Variants in MAGT1 observed in about 807,000 individuals in gnomAD.
The protein encoded by MAGT1 is magnesium transporter 1, also known as dolichyl-diphosphooligosaccharide--protein glycosyltransferase subunit MAGT1.
MAGT1 carries 4 observed loss-of-function variants against 28.4 expected under a neutral mutation model. That is an observed-to-expected ratio of 0.14 (90% CI 0.07 to 0.32). The LOEUF (loss-of-function observed/expected upper bound fraction) is 0.32, where lower values mean the gene tolerates loss of function less well. Among genes scored for constraint, MAGT1 ranks in the 10% least tolerant of loss-of-function variants. The probability of loss-of-function intolerance (pLI) is 1.00; values close to 1 mark genes in which losing one functional copy is unlikely to be tolerated. For missense variants in MAGT1, 193 were observed against 264.5 expected, an observed-to-expected ratio of 0.73 and a Z score of 1.88; for synonymous variants, 89 against 89.7, an observed-to-expected ratio of 0.99 and a Z score of 0.04.
chrX:77,852,740 C>CTGAT (rs782366307), intron 7 of MAGT1, among the ~76,000 whole-genome samples: 9 of 110,689 alleles, frequency 8.1e-5, no homozygotes, highest in Non-Finnish European at 1.3e-4. Context: ...CACAGGCATG[C>CTGAT]ATCACCATAC....
At chrX:77,876,427 A>C (rs1448476028) in intron 1 of MAGT1, among the ~76,000 whole-genome samples, 1 of 109,981 alleles carries the variant, frequency 9.1e-6, no homozygotes, top group Non-Finnish European at 1.9e-5. Flanking sequence ...TCTCTCAAAA[A>C]ACATACAGTG....
intron 4 of MAGT1, 26 bp from the exon 5 acceptor site, chrX:77,856,899 T>C: frequency 4.3e-6 from 5 of 1,171,319 alleles, no homozygotes; most frequent in Non-Finnish European, 5.8e-6. Context: ...GAAAAACATG[T>C]TAAAGTATAA....
intron 7 of MAGT1, among the ~76,000 whole-genome samples, chrX:77,851,794 G>A (rs1248350294): frequency 9.0e-6 from 1 of 111,523 alleles, no homozygotes; most frequent in East Asian, 2.8e-4. Context: ...TGGGATTACA[G>A]GTGTGAGCCA....
chrX:77,834,774 A>G (rs1603359104), intron 8 of MAGT1, among the ~76,000 whole-genome samples: 1 of 110,662 alleles, frequency 9.0e-6, no homozygotes, highest in East Asian at 2.8e-4. Flanking sequence ...ATGAGATCAC[A>G]TCAAGTTTAA....
intron 2 of MAGT1, among the ~76,000 whole-genome samples, chrX:77,871,841 C>CA (rs1175368000): frequency 9.2e-6 from 1 of 108,761 alleles, no homozygotes; most frequent in South Asian, 4.0e-4. Flanking sequence ...GACTCCATCT[C>CA]AAAAAAAAAT....
chrX:77,875,808 GTAAT>G lies in MAGT1; in HGVS notation c.103-215_103-212del, dbSNP rs1445502309. ...TTTTGTCAGACATTACACTTTTGAT[GTAAT>G]TAATTATGAATGAATGAATGAATGA... is the stretch of plus-strand genomic sequence containing the variant. On this transcript the variant is annotated intron_variant, in intron 1 of 9. Transcript: ENST00000618282. Among the ~76,000 whole-genome samples the G allele has an allele frequency of 7.3e-5, 8 of 109,994 alleles. No individual in the cohort carries two copies. The South Asian group carries it at 1.9e-3, about 26-fold the overall frequency.
intron 7 of MAGT1, 89 bp downstream of exon 7, chrX:77,853,812 A>G (rs1316743035): frequency 2.7e-6 from 2 of 754,594 alleles, no homozygotes; most frequent in African/African-American, 2.1e-5. Context: ...GCATTAAGAG[A>G]ACAGCCCCAG....
At chrX:77,883,913 C>G (rs782438142) in intron 1 of MAGT1, among the ~76,000 whole-genome samples, 3 of 111,256 alleles carry the variant, frequency 2.7e-5, no homozygotes, top group African/African-American at 9.8e-5. Flanking sequence ...CTTTTACAGG[C>G]TGGGAGTGGT....
At chrX:77,888,296 C>T (rs1321503437) in intron 1 of MAGT1, among the ~76,000 whole-genome samples, 2 of 111,220 alleles carry the variant, frequency 1.8e-5, no homozygotes, top group African/African-American at 6.5e-5. Flanking sequence ...TTCTACCATT[C>T]AAATAAAACA....
chrX:77,859,988 T>C (rs1232518004), intron 3 of MAGT1, among the ~76,000 whole-genome samples: 1 of 112,609 alleles, frequency 8.9e-6, no homozygotes, highest in Non-Finnish European at 1.9e-5. Context: ...GTTGATGTGA[T>C]GGGTGAAGAC....
chrX:77,853,790 A>G (rs950849699), intron 7 of MAGT1, 111 bp downstream of exon 7: 64 of 620,584 alleles, frequency 1.0e-4, no homozygotes, highest in Non-Finnish European at 1.7e-4. Context: ...TTTTCAAAGG[A>G]TATTGTGACT....
chrX:77,856,188 C>G (rs1557215959), intron 5 of MAGT1, among the ~76,000 whole-genome samples: 2 of 111,200 alleles, frequency 1.8e-5, no homozygotes, highest in African/African-American at 6.5e-5. Context: ...GTAACCCCAG[C>G]ACTTTGGGAG....
intron 2 of MAGT1, among the ~76,000 whole-genome samples, chrX:77,872,338 C>T (rs186226979): frequency 3.6e-5 from 4 of 111,545 alleles, no homozygotes; most frequent in Admixed American, 9.6e-5. Context: ...CCACCGTGCC[C>T]GGCCCTCCTC....
intron 7 of MAGT1, among the ~76,000 whole-genome samples, chrX:77,850,494 G>C (rs1228861147): frequency 1.8e-5 from 1 of 57,006 alleles, no homozygotes; most frequent in East Asian, 7.8e-4. Flanking sequence ...AGGGGGGGGG[G>C]GTGGGGAGTG....
chrX:77,857,079 A>AT (rs2076983234), intron 4 of MAGT1, among the ~76,000 whole-genome samples: 1 of 112,013 alleles, frequency 8.9e-6, no homozygotes. Context: ...TAACCACAAC[A>AT]TAACATCTTT....
chrX:77,849,337 C>T (rs1320014774), intron 7 of MAGT1, among the ~76,000 whole-genome samples: 1 of 110,070 alleles, frequency 9.1e-6, no homozygotes, highest in African/African-American at 3.3e-5. Flanking sequence ...GCCTCAGCCT[C>T]CCAAAGTGCT....
At chrX:77,851,689 G>T (rs1314990683) in intron 7 of MAGT1, among the ~76,000 whole-genome samples, 1 of 108,996 alleles carries the variant, frequency 9.2e-6, no homozygotes, top group Non-Finnish European at 1.9e-5. Context: ...GCTAAGTTTT[G>T]TATTTTTGGT....
chrX:77,835,558 A>G (rs1008019350), intron 8 of MAGT1, among the ~76,000 whole-genome samples: 2 of 111,338 alleles, frequency 1.8e-5, no homozygotes, highest in East Asian at 5.7e-4. Flanking sequence ...AAATTGAACC[A>G]CCATATGATC....
intron 3 of MAGT1, among the ~76,000 whole-genome samples, chrX:77,857,919 T>G (rs1032665745): frequency 2.0e-4 from 22 of 111,543 alleles, no homozygotes; most frequent in Admixed American, 1.9e-3. Flanking sequence ...AAAACAGCAG[T>G]GAAAAGCAAT....
Sources: gnomAD v4.1 joint callset for allele counts (sites outside exome capture counted in the v4.1 genomes callset) on GRCh38, gnomAD v4.1.1 for gene constraint, MANE v1.5 for transcripts, NCBI Gene and HGNC (gene_info 2026-07-23, HGNC 2026-07-21) for gene names.